Variants in DAP observed in about 807,000 individuals in gnomAD.
DAP encodes the protein death-associated protein 1.
In DAP, 8 loss-of-function variants were observed where a neutral mutation model predicts 13.8. The ratio of observed to expected loss-of-function variants is 0.58; its 90% CI spans 0.34 to 1.05. DAP has a LOEUF of 1.05. DAP is among the 50% of genes least tolerant of loss of function. DAP has a pLI of 0.03. For missense variants in DAP, 106 were observed against 133.2 expected, an observed-to-expected ratio of 0.80 and a Z score of 1.01; for synonymous variants, 47 against 47.5, an observed-to-expected ratio of 0.99 and a Z score of 0.04.
At chr5:10,756,448 C>A (rs1191880909) in intron 1 of DAP, among the ~76,000 whole-genome samples, 1 of 152,230 alleles carries the variant, frequency 6.6e-6, no homozygotes, top group Non-Finnish European at 1.5e-5. Flanking sequence ...TTTTGAAAGG[C>A]ATCCTTAACT....
intron 3 of DAP, among the ~76,000 whole-genome samples, chr5:10,681,747 A>G (rs1472453584): frequency 3.1e-4 from 28 of 89,078 alleles, no homozygotes; most frequent in Admixed American, 5.8e-4. Context: ...GAAGCATGGC[A>G]GTTGTATGTG....
At chr5:10,733,395 T>C (rs975912073) in intron 2 of DAP, among the ~76,000 whole-genome samples, 2 of 152,210 alleles carry the variant, frequency 1.3e-5, no homozygotes, top group Non-Finnish European at 2.9e-5. Flanking sequence ...ACAAAAAACT[T>C]TGTGGATTGC....
chr5:10,691,841 G>A (rs1020278540), intron 2 of DAP, among the ~76,000 whole-genome samples: 1 of 152,192 alleles, frequency 6.6e-6, no homozygotes, highest in Non-Finnish European at 1.5e-5. Flanking sequence ...AGACTAAGCA[G>A]CCACCTGATG....
chr5:10,703,715 G>T (rs531824460), intron 2 of DAP, among the ~76,000 whole-genome samples: 1 of 152,192 alleles, frequency 6.6e-6, no homozygotes, highest in Non-Finnish European at 1.5e-5. Flanking sequence ...TGCTGGCTTT[G>T]GCAGTAGCTA....
At chr5:10,727,052 T>C (rs1294405217) in intron 2 of DAP, among the ~76,000 whole-genome samples, 1 of 152,198 alleles carries the variant, frequency 6.6e-6, no homozygotes, top group Admixed American at 6.5e-5. Context: ...GCAACTGTTT[T>C]AGGGAAGTGG....
chr5:10,719,061 C>T (rs1230458748), intron 2 of DAP, among the ~76,000 whole-genome samples: 1 of 152,184 alleles, frequency 6.6e-6, no homozygotes, highest in Non-Finnish European at 1.5e-5. Context: ...ATTCAGATAC[C>T]TTCTACCTCA....
chr5:10,725,319 G>A (rs1222329747), intron 2 of DAP, among the ~76,000 whole-genome samples: 1 of 152,206 alleles, frequency 6.6e-6, no homozygotes, highest in South Asian at 2.1e-4. Context: ...TGGTTATGCC[G>A]GGTCCTGAGC....
At chr5:10,688,883 G>C (rs1738225113) in intron 2 of DAP, among the ~76,000 whole-genome samples, 1 of 151,908 alleles carries the variant, frequency 6.6e-6, no homozygotes, top group Non-Finnish European at 1.5e-5. Context: ...CCTTGGTTGA[G>C]CCCAGCCCCA....
intron 2 of DAP, among the ~76,000 whole-genome samples, chr5:10,693,603 T>C (rs983071097): frequency 2.0e-5 from 3 of 152,198 alleles, no homozygotes; most frequent in African/African-American, 7.2e-5. Flanking sequence ...GGACCAGTCA[T>C]TTGCCCAAGG....
intron 3 of DAP, chr5:10,683,140 G>A: frequency 3.6e-6 from 1 of 276,258 alleles, no homozygotes; most frequent in Non-Finnish European, 6.9e-6. Flanking sequence ...CACCAACAGT[G>A]GGCTGTCCCC....
chr5:10,760,285 T>G (rs1740308182), intron 1 of DAP, among the ~76,000 whole-genome samples: 1 of 151,732 alleles, frequency 6.6e-6, no homozygotes, highest in African/African-American at 2.4e-5. Context: ...GAAAGGAGAG[T>G]AGAAACGGAA....
intron 2 of DAP, among the ~76,000 whole-genome samples, chr5:10,704,561 C>T (rs929382191): frequency 3.9e-5 from 6 of 152,066 alleles, no homozygotes; most frequent in Non-Finnish European, 2.9e-5. Flanking sequence ...CATGGAGATG[C>T]CATGGTCAGC....
chr5:10,689,009 C>T (rs1738230004), intron 2 of DAP, among the ~76,000 whole-genome samples: 1 of 152,220 alleles, frequency 6.6e-6, no homozygotes, highest in Non-Finnish European at 1.5e-5. Flanking sequence ...GGGCCTGCCA[C>T]AGTCCCGCCC....
chr5:10,716,309 C>T (rs1367649162), intron 2 of DAP, among the ~76,000 whole-genome samples: 2 of 152,142 alleles, frequency 1.3e-5, no homozygotes, highest in Non-Finnish European at 2.9e-5. Flanking sequence ...GCAGAGTAAA[C>T]TCCTTCGAAG....
chr5:10,760,787 A>C lies in DAP; in HGVS notation c.55+227T>G, dbSNP rs548676349. Among the ~76,000 whole-genome samples the C allele has an allele frequency of 4.6e-5, 7 of 152,126 alleles. No homozygotes were observed. The East Asian group carries it at 1.2e-3, about 25-fold the overall frequency. ...TACGCGGCCGCCCGCGGTCCTCAGG[A>C]AGAAACGCTTCGCCGCCGCCGGCAA... On this transcript the variant is annotated intron_variant, in intron 1 of 3. Transcript: ENST00000230895.
chr5:10,682,474 A>G (rs952965598), intron 3 of DAP, among the ~76,000 whole-genome samples: 31 of 139,428 alleles, frequency 2.2e-4, no homozygotes, highest in Middle Eastern at 4.6e-3. Flanking sequence ...CCAGGCCAGC[A>G]CCCACCAGCT....
chr5:10,718,897 C>T (rs1193159098), intron 2 of DAP, among the ~76,000 whole-genome samples: 2 of 152,194 alleles, frequency 1.3e-5, no homozygotes, highest in Admixed American at 6.5e-5. Flanking sequence ...TCGGAGAGAC[C>T]TTGATTGCTT....
intron 2 of DAP, among the ~76,000 whole-genome samples, chr5:10,747,683 T>C (rs957816420): frequency 2.6e-5 from 4 of 152,212 alleles, no homozygotes; most frequent in Admixed American, 6.5e-5. Flanking sequence ...AACAGAAACC[T>C]GGAGTACAAA....
rs989545955 is a variant in DAP at position 10,683,382 on chromosome 5, C to T, written c.195+147G>A. 6 of 847,032 alleles carry T rather than the reference C, an allele frequency of 7.1e-6. No individual in the cohort carries two copies. In the African/African-American group the frequency reaches 8.6e-5, roughly 12 times the overall value. The allele number at this position is 847,032 out of a possible 1,614,324, so 52.5% of individuals were successfully genotyped here. On this transcript the variant is annotated intron_variant, in intron 3 of 3. Coordinates refer to ENST00000230895, the MANE Select transcript of DAP (RefSeq NM_004394.3). ...TGCAGAAGCAGCCTCTGGGGAAACG[C>T]GGCAATGAAGAGAGCCATGGCCACA... is the stretch of plus-strand genomic sequence containing the variant.
Sources: allele counts gnomAD v4.1 joint callset (sites outside exome capture counted in the v4.1 genomes callset), GRCh38; gene constraint gnomAD v4.1.1; transcripts MANE v1.5; gene names NCBI Gene and HGNC (gene_info 2026-07-23, HGNC 2026-07-21).